The following MICAL3 variants were observed in gnomAD, a reference collection of about 807,000 sequenced individuals.
The protein encoded by MICAL3 is [F-actin]-monooxygenase MICAL3.
In MICAL3, 62 loss-of-function variants were observed where a neutral mutation model predicts 207.4. That is an observed-to-expected ratio of 0.30 (90% CI 0.24 to 0.37). The LOEUF is 0.37. Among genes scored for constraint, MICAL3 ranks in the 10% least tolerant of loss-of-function variants. The probability of loss-of-function intolerance (pLI) is 1.00; values close to 1 mark genes in which losing one functional copy is unlikely to be tolerated. For synonymous variants in MICAL3, 1,077 were observed against 1,069.3 expected (o/e 1.01, Z -0.14); for missense variants, 2,368 against 2,635.6 (o/e 0.90, Z 2.22).
Position 17,818,345 on chromosome 22 carries a change from G to T in MICAL3, c.4316C>A (p.Thr1439Lys). ...GLHGSSSNMK[T>K]LGSQSFNTSD... ...GGTGTTGAAGCTCTGGCTGCCCAGTGTCTTCATGTTGGAGGAGCTCCCGTG... is the reference window on the plus strand; with the variant it reads ...GGTGTTGAAGCTCTGGCTGCCCAGTTTCTTCATGTTGGAGGAGCTCCCGTG... The change falls in exon 26 of 32, where the codon ACA (threonine) becomes AAA (lysine). Residue 1439 changes from threonine (T) to lysine (K), a missense_variant. Physicochemically the swap from Thr to Lys is moderately conservative, Grantham distance 78 (BLOSUM62 -1). Coordinates refer to ENST00000441493, the MANE Select transcript of MICAL3 (RefSeq NM_015241.3). 1 of 1,594,684 alleles carries T rather than the reference G, an allele frequency of 6.3e-7. No homozygotes were observed.
At chr22:17,877,481 G>A (rs111310900) in intron 16 of MICAL3, among the ~76,000 whole-genome samples, 1,130 of 107,846 alleles carry the variant, frequency 0.01, no homozygotes, top group South Asian at 0.015. Context: ...AGGTTAGGGA[G>A]GTTATGGAGG....
Position 17,818,254 on chromosome 22 carries a change from G to T in MICAL3, c.4407C>A (p.Pro1469=). The change falls in exon 26 of 32, where the codon CCC becomes CCA. Residue 1469 remains proline (P), a synonymous_variant. Transcript: ENST00000441493. Reference sequence around the variant, plus strand: ...CCCTGAGCTTCCTCCGCAAGGTGGCGGGCTCCTCGCCCGGGGGTGGCGGTG... The same window carrying T: ...CCCTGAGCTTCCTCCGCAAGGTGGCTGGCTCCTCGCCCGGGGGTGGCGGTG... ...PPPPPPPGEE[P]ATLRRKLREA... The T allele has an allele frequency of 1.3e-6, 2 of 1,525,604 alleles. No homozygotes were observed. 94.5% of individuals were successfully genotyped at this position (1,525,604 alleles called of 1,614,324 possible).
In MICAL3 at chr22:17,902,885, C is replaced by A; in HGVS notation, c.473-138G>T. On this transcript the variant is annotated intron_variant, in intron 3 of 31. Coordinates refer to ENST00000441493, the MANE Select transcript of MICAL3 (RefSeq NM_015241.3). The surrounding 1 kb of genome is among the most constrained non-coding windows in gnomAD (Gnocchi z 4.5). Reference sequence around the variant, plus strand: ...AAAGCCTGCTGTAGCAGGAGACCTTCCAAAGCCACGCTCTGTAACTTCTTC... The same window carrying A: ...AAAGCCTGCTGTAGCAGGAGACCTTACAAAGCCACGCTCTGTAACTTCTTC... The A allele has an allele frequency of 1.7e-6, 1 of 598,246 alleles. No homozygotes were observed. 37.1% of individuals were successfully genotyped at this position (598,246 alleles called of 1,614,324 possible).
chr22:17,868,208 A>G (rs1927343627), intron 17 of MICAL3, among the ~76,000 whole-genome samples: 1 of 152,186 alleles, frequency 6.6e-6, no homozygotes, highest in South Asian at 2.1e-4. Flanking sequence ...AGAAGAACAC[A>G]GTACCCACCT....
At chr22:17,962,907 C>G (rs577519511) in intron 1 of MICAL3, among the ~76,000 whole-genome samples, 3 of 152,068 alleles carry the variant, frequency 2.0e-5, no homozygotes, top group Non-Finnish European at 2.9e-5. Flanking sequence ...CACCACCATG[C>G]CCAGCTAAAT....
At chr22:17,905,986 A>G (rs1242181684) in intron 2 of MICAL3, among the ~76,000 whole-genome samples, 1 of 152,248 alleles carries the variant, frequency 6.6e-6, no homozygotes, top group African/African-American at 2.4e-5. Flanking sequence ...GTTCGCAAAC[A>G]GTATACCTTA....
At chr22:17,870,274 TCTCA>T (rs1927578310) in intron 17 of MICAL3, among the ~76,000 whole-genome samples, 1 of 152,032 alleles carries the variant, frequency 6.6e-6, no homozygotes, top group African/African-American at 2.4e-5. Context: ...TACCCTTCTC[TCTCA>T]AAGTCTAGCC....
chr22:17,875,542 G>T (rs780847658), intron 16 of MICAL3: 5 of 1,551,146 alleles, frequency 3.2e-6, no homozygotes, highest in East Asian at 4.8e-5. Context: ...CGACGAGGAG[G>T]TTCAGGCTCT....
intron 16 of MICAL3, among the ~76,000 whole-genome samples, chr22:17,883,191 A>G (rs9618155): frequency 0.01 from 1,568 of 152,280 alleles, 23 homozygotes; most frequent in African/African-American, 0.036. Context: ...AGAAAATAAA[A>G]TGCAAGTAAA....
At chr22:17,803,733 G>A (rs1384968694) in intron 29 of MICAL3, 4 of 705,654 alleles carry the variant, frequency 5.7e-6, no homozygotes, top group Non-Finnish European at 7.0e-6. Flanking sequence ...CCTTGTTTTT[G>A]TGAGCAGGGA....
chr22:17,820,883 T>G (rs1921524703), intron 25 of MICAL3, among the ~76,000 whole-genome samples: 1 of 138,470 alleles, frequency 7.2e-6, no homozygotes, highest in South Asian at 2.2e-4. Flanking sequence ...TAAATTTATA[T>G]TTATAAACAT....
intron 1 of MICAL3, among the ~76,000 whole-genome samples, chr22:17,927,749 G>C (rs1336121718): frequency 6.6e-6 from 1 of 152,110 alleles, no homozygotes; most frequent in Non-Finnish European, 1.5e-5. Context: ...AACTAAGGCA[G>C]ATGACAAATA....
At chr22:18,015,537 C>T (rs757857321) in intron 1 of MICAL3, among the ~76,000 whole-genome samples, 3 of 150,640 alleles carry the variant, frequency 2.0e-5, no homozygotes, top group South Asian at 4.2e-4. Context: ...CTCTGCCTCC[C>T]AAGTAGCTGG....
At chr22:17,953,973 GA>G (rs60645146) in intron 1 of MICAL3, among the ~76,000 whole-genome samples, 1 of 102,786 alleles carries the variant, frequency 9.7e-6, no homozygotes, top group African/African-American at 3.5e-5. Flanking sequence ...AAAAAGAAAA[GA>G]AAAAGAAAAA....
chr22:17,848,297 C>T (rs1178181191), intron 19 of MICAL3, among the ~76,000 whole-genome samples: 1 of 152,202 alleles, frequency 6.6e-6, no homozygotes, highest in Non-Finnish European at 1.5e-5. Context: ...ATGCCTCCAT[C>T]TGTTTGATCC....
At chr22:17,815,566 C>T (rs1337624979) in intron 27 of MICAL3, 2 of 152,352 alleles carry the variant, frequency 1.3e-5, no homozygotes, top group African/African-American at 4.8e-5. Flanking sequence ...TGAAGGCACA[C>T]TCTCCCTGTC....
At chr22:17,922,839 T>A (rs551229753) in intron 1 of MICAL3, among the ~76,000 whole-genome samples, 1 of 152,260 alleles carries the variant, frequency 6.6e-6, no homozygotes, top group South Asian at 2.1e-4. Flanking sequence ...AGGCCATGGT[T>A]TTCTTCAACT....
chr22:17,870,990 C>A (rs543389069), intron 17 of MICAL3, among the ~76,000 whole-genome samples: 2 of 152,180 alleles, frequency 1.3e-5, no homozygotes, highest in Non-Finnish European at 2.9e-5. Context: ...CTCACAGTCA[C>A]GCAATCTTCT....
chr22:17,849,393 G>T (rs561829550), intron 19 of MICAL3, among the ~76,000 whole-genome samples: 1 of 152,192 alleles, frequency 6.6e-6, no homozygotes, highest in South Asian at 2.1e-4. Context: ...ACAGTGCACC[G>T]GTGCAATCAT....
Sources: allele counts gnomAD v4.1 joint callset (sites outside exome capture counted in the v4.1 genomes callset), GRCh38; gene constraint gnomAD v4.1.1; non-coding constraint Gnocchi (gnomAD v3.1); transcripts MANE v1.5; gene names NCBI Gene and HGNC (gene_info 2026-07-23, HGNC 2026-07-21).